TPD52: variants seen among roughly 807,000 people sequenced by gnomAD.
TPD52 encodes prostate and colon associated protein.
TPD52 carries 17 observed loss-of-function variants against 31.3 expected under a neutral mutation model. The observed-to-expected ratio is 0.54, with a 90% CI of 0.37 to 0.82. The LOEUF is 0.82. Ranked by LOEUF, TPD52 falls within the 40% of genes least tolerant of loss-of-function variation. TPD52 has a pLI of 0.00. For synonymous variants in TPD52, 83 were observed against 89.6 expected (o/e 0.93, Z 0.42); for missense variants, 212 against 240.1 (o/e 0.88, Z 0.77).
At chr8:80,062,719 T>C (rs1812683625) in intron 2 of TPD52, among the ~76,000 whole-genome samples, 1 of 152,140 alleles carries the variant, frequency 6.6e-6, no homozygotes, top group African/African-American at 2.4e-5. Flanking sequence ...TCCCAGCACT[T>C]TGGGAGGCTG....
At chr8:80,098,020 G>A (rs1806460761) in intron 1 of TPD52, among the ~76,000 whole-genome samples, 1 of 152,176 alleles carries the variant, frequency 6.6e-6, no homozygotes, top group Non-Finnish European at 1.5e-5. Flanking sequence ...CTCTAGAAAT[G>A]GAATAACAAC....
chr8:80,159,026 T>C (rs534317395), intron 1 of TPD52: 3 of 152,024 alleles, frequency 2.0e-5, no homozygotes, highest in South Asian at 2.1e-4. Flanking sequence ...GAAGTACTTA[T>C]TGAGCACTAT....
chr8:80,077,486 G>C (rs772953290), intron 1 of TPD52, among the ~76,000 whole-genome samples: 1 of 151,872 alleles, frequency 6.6e-6, no homozygotes, highest in Non-Finnish European at 1.5e-5. Flanking sequence ...TATTCCCACG[G>C]TAAAACACTT....
chr8:80,047,223 T>C (rs559710177), intron 5 of TPD52, among the ~76,000 whole-genome samples: 3 of 152,320 alleles, frequency 2.0e-5, no homozygotes, highest in South Asian at 2.1e-4. Context: ...CAGCCACTTA[T>C]ACCTGCTGTG....
intron 2 of TPD52, among the ~76,000 whole-genome samples, chr8:80,062,023 AG>A (rs1315274699): frequency 6.6e-6 from 1 of 152,230 alleles, no homozygotes; most frequent in Non-Finnish European, 1.5e-5. Context: ...ACTGAACGCG[AG>A]CCCTATCAAA....
chr8:80,158,180 G>A (rs1345900981), intron 1 of TPD52, among the ~76,000 whole-genome samples: 1 of 151,818 alleles, frequency 6.6e-6, no homozygotes, highest in Non-Finnish European at 1.5e-5. Flanking sequence ...TTCCCTTTCC[G>A]GTTGCCTTCC....
chr8:80,048,052 T>C (rs764983379), intron 5 of TPD52, among the ~76,000 whole-genome samples: 4 of 152,192 alleles, frequency 2.6e-5, no homozygotes, highest in South Asian at 2.1e-4. Flanking sequence ...TACTTTCACA[T>C]AGGCATAGAA....
At chr8:80,056,552 T>C (rs770472145) in intron 2 of TPD52, among the ~76,000 whole-genome samples, 4 of 152,142 alleles carry the variant, frequency 2.6e-5, no homozygotes, top group African/African-American at 7.2e-5. Flanking sequence ...AGGACTTAAA[T>C]AGACATTTCT....
intron 1 of TPD52, among the ~76,000 whole-genome samples, chr8:80,090,193 G>A (rs773322726): frequency 7.2e-5 from 11 of 152,062 alleles, no homozygotes; most frequent in Non-Finnish European, 1.3e-4. Flanking sequence ...GGAGTTCAAG[G>A]CCAGCATGGG....
At chr8:80,094,433 T>TATATATATATATATAC (rs1816540585) in intron 1 of TPD52, among the ~76,000 whole-genome samples, 1 of 5,628 alleles carries the variant, frequency 1.8e-4, no homozygotes, top group East Asian at 0.011. Flanking sequence ...GAAAATTTTA[T>TATATATATATATATAC]ATATATATAT....
chr8:80,064,028 G>A (rs1235641862), intron 2 of TPD52, among the ~76,000 whole-genome samples: 3 of 137,544 alleles, frequency 2.2e-5, no homozygotes, highest in African/African-American at 8.2e-5. Context: ...GGAAGGGAGA[G>A]AGGGGAGGGA....
At chr8:80,081,715 A>ATT (rs11433117) in intron 1 of TPD52, among the ~76,000 whole-genome samples, 39 of 149,534 alleles carry the variant, frequency 2.6e-4, no homozygotes, top group Middle Eastern at 3.4e-3. Flanking sequence ...TCATCTTGTG[A>ATT]TTTTTTTTTT....
chr8:80,127,787 AACACACACACACACACACACACACACAC>A (rs368085372), intron 1 of TPD52: 2 of 139,448 alleles, frequency 1.4e-5, no homozygotes, highest in African/African-American at 2.7e-5. Context: ...TTTCTAAATA[AACACACACACACACACACACACACACAC>A]ACACACACAC....
rs375765654 is a variant in TPD52, at chr8:80,055,884, T to C, written c.136-2454A>G. Reference sequence around the variant, plus strand: ...TGCCTGTTATCAAAAAACCAAAAAATAACAGATGCTGGCAAGGATCCAGAG... The same window carrying C: ...TGCCTGTTATCAAAAAACCAAAAAACAACAGATGCTGGCAAGGATCCAGAG... On this transcript the variant is annotated intron_variant, in intron 2 of 7. Transcript: ENST00000518937. Among the ~76,000 whole-genome samples the C allele has an allele frequency of 2.8e-4, 42 of 152,196 alleles. No individual in the cohort carries two copies. The South Asian group carries it at 8.7e-3, about 32-fold the overall frequency.
At chr8:80,140,281 G>C (rs1331918362) in intron 1 of TPD52, among the ~76,000 whole-genome samples, 1 of 152,140 alleles carries the variant, frequency 6.6e-6, no homozygotes, top group African/African-American at 2.4e-5. Context: ...AGGTAGGTTA[G>C]AGTTAGAATC....
chr8:80,122,328 A>G (rs151282413), intron 1 of TPD52, among the ~76,000 whole-genome samples: 2 of 152,348 alleles, frequency 1.3e-5, no homozygotes, highest in African/African-American at 2.4e-5. Context: ...GTAAGAAACA[A>G]GAGACAGAAG....
chr8:80,125,184 A>G (rs1253542531), intron 1 of TPD52, among the ~76,000 whole-genome samples: 1 of 152,234 alleles, frequency 6.6e-6, no homozygotes, highest in African/African-American at 2.4e-5. Context: ...TGAAGATGCA[A>G]GCCTCAGCCC....
chr8:80,090,781 A>G (rs997454288), intron 1 of TPD52, among the ~76,000 whole-genome samples: 3 of 152,202 alleles, frequency 2.0e-5, no homozygotes, highest in African/African-American at 7.2e-5. Flanking sequence ...GGCATATGCA[A>G]ATTATTTGGA....
chr8:80,056,494 A>C (rs1053488430), intron 2 of TPD52, among the ~76,000 whole-genome samples: 1 of 152,208 alleles, frequency 6.6e-6, no homozygotes. Context: ...GAACATATAA[A>C]GAAACTTACA....
Sources: allele counts gnomAD v4.1 joint callset (sites outside exome capture counted in the v4.1 genomes callset), GRCh38; gene constraint gnomAD v4.1.1; transcripts MANE v1.5; gene names NCBI Gene and HGNC (gene_info 2026-07-23, HGNC 2026-07-21).